The following AJAP1 variants were observed in gnomAD, a reference collection of about 807,000 sequenced individuals.
The protein encoded by AJAP1 is adherens junctions associated protein 1.
AJAP1 carries 5 observed loss-of-function variants against 35.0 expected under a neutral mutation model. That is an observed-to-expected ratio of 0.14 (90% CI 0.07 to 0.30). AJAP1 has a LOEUF of 0.30. AJAP1 is among the 10% of genes least tolerant of loss of function. The probability of loss-of-function intolerance (pLI) is 1.00; values close to 1 mark genes in which losing one functional copy is unlikely to be tolerated. For synonymous variants in AJAP1, 284 were observed against 249.3 expected (o/e 1.14, Z -1.31); for missense variants, 586 against 571.0 (o/e 1.03, Z -0.27).
intron 5 of AJAP1, among the ~76,000 whole-genome samples, chr1:4,778,003 G>A (rs1325997609): frequency 7.2e-5 from 11 of 152,232 alleles, no homozygotes; most frequent in East Asian, 1.9e-4. Flanking sequence ...GACACCTGGC[G>A]GTAGCCTGTT....
intron 2 of AJAP1, among the ~76,000 whole-genome samples, chr1:4,730,309 T>C (rs989174283): frequency 1.3e-5 from 2 of 152,174 alleles, no homozygotes; most frequent in African/African-American, 4.8e-5. Flanking sequence ...CTTTGGCTCC[T>C]GGGGAAACAA....
Position 4,697,192 on chromosome 1 carries a change from G to C in AJAP1, c.30-14708G>C, listed in dbSNP as rs532267572. On this transcript the variant is annotated intron_variant, in intron 1 of 5. Coordinates refer to ENST00000378191, the MANE Select transcript of AJAP1 (RefSeq NM_018836.4). Reference sequence around the variant, plus strand: ...TATTAGTTTGTATGTGGCTGTATGTGTGCACCTGTGTTCTGTGCATGCCTG... The same window carrying C: ...TATTAGTTTGTATGTGGCTGTATGTCTGCACCTGTGTTCTGTGCATGCCTG... 2.6e-5 allele frequency among the ~76,000 whole-genome samples: 4 copies of C among 152,308 alleles called. No individual in the cohort carries two copies. The South Asian group carries it at 8.3e-4, about 32-fold the overall frequency.
At chr1:4,767,232 A>G (rs1557646150) in intron 2 of AJAP1, among the ~76,000 whole-genome samples, 1 of 152,184 alleles carries the variant, frequency 6.6e-6, no homozygotes, top group Admixed American at 6.5e-5. Context: ...CACCTTCACC[A>G]TCATCACCAT....
At chr1:4,699,327 T>C (rs889397819) in intron 1 of AJAP1, among the ~76,000 whole-genome samples, 1 of 152,214 alleles carries the variant, frequency 6.6e-6, no homozygotes, top group African/African-American at 2.4e-5. Flanking sequence ...CGTACTTGTT[T>C]CCAGAGGCAG....
At chr1:4,742,757 T>C (rs1641098936) in intron 2 of AJAP1, among the ~76,000 whole-genome samples, 1 of 152,192 alleles carries the variant, frequency 6.6e-6, no homozygotes. Flanking sequence ...AACACAACCG[T>C]TCCCCCACCC....
chr1:4,688,904 C>T (rs1046678221), intron 1 of AJAP1, among the ~76,000 whole-genome samples: 13 of 152,190 alleles, frequency 8.5e-5, no homozygotes, highest in South Asian at 4.2e-4. Context: ...TATCTCCCTT[C>T]TACAGGTGGA....
chr1:4,712,393 A>G lies in AJAP1; in HGVS notation c.523A>G (p.Thr175Ala), dbSNP rs1640277114. The G allele has an allele frequency of 6.4e-7, 1 of 1,571,554 alleles. No individual in the cohort carries two copies. Among genetic ancestry groups the G allele is most frequent in the Non-Finnish European group, 8.6e-7 (1 of 1,157,508 alleles). Residue 175 changes from threonine (T) to alanine (A), a missense_variant, in exon 2 of 6, where the codon ACC becomes GCC. Coordinates refer to ENST00000378191, the MANE Select transcript of AJAP1 (RefSeq NM_018836.4). ...CTTCGACTCCAGAGGCAGCCGGCCC[A>G]CCACAGAGACTGAGTTCATCGCCTG... Reference protein sequence around the residue: ...SSFDSRGSRPTTETEFIAWGP... With the variant: ...SSFDSRGSRPATETEFIAWGP...
At chr1:4,762,631 C>T (rs976418735) in intron 2 of AJAP1, among the ~76,000 whole-genome samples, 21 of 152,206 alleles carry the variant, frequency 1.4e-4, no homozygotes, top group Admixed American at 1.1e-3. Flanking sequence ...CTGTCCCATG[C>T]CTGTCTTCCT....
chr1:4,774,017 T>G (rs1641893797), intron 4 of AJAP1, among the ~76,000 whole-genome samples: 1 of 152,218 alleles, frequency 6.6e-6, no homozygotes, highest in Non-Finnish European at 1.5e-5. Flanking sequence ...TGACAAAATA[T>G]GGGCGAGACA....
At chr1:4,657,650 T>C (rs927077303) in intron 1 of AJAP1, among the ~76,000 whole-genome samples, 4 of 122,472 alleles carry the variant, frequency 3.3e-5, no homozygotes, top group Admixed American at 1.1e-4. Flanking sequence ...AGCCTCCAGC[T>C]GGGGTGGCAG....
intron 1 of AJAP1, among the ~76,000 whole-genome samples, chr1:4,698,350 T>C (rs1263728416): frequency 6.6e-6 from 1 of 152,184 alleles, no homozygotes; most frequent in African/African-American, 2.4e-5. Context: ...TGAGTCTTCA[T>C]CTCACAGACC....
chr1:4,742,166 G>A (rs1036579004), intron 2 of AJAP1, among the ~76,000 whole-genome samples: 25 of 152,206 alleles, frequency 1.6e-4, no homozygotes, highest in African/African-American at 5.8e-4. Flanking sequence ...TGCTGGCCAC[G>A]CAAAGCCAGG....
At chr1:4,728,529 C>T (rs545322674) in intron 2 of AJAP1, among the ~76,000 whole-genome samples, 2 of 152,256 alleles carry the variant, frequency 1.3e-5, no homozygotes, top group South Asian at 2.1e-4. Flanking sequence ...GGGGTGTGAG[C>T]GGCCATCACA....
intron 2 of AJAP1, among the ~76,000 whole-genome samples, chr1:4,761,364 T>C (rs1352197685): frequency 6.6e-6 from 1 of 152,226 alleles, no homozygotes; most frequent in East Asian, 1.9e-4. Context: ...TGTAACACTC[T>C]GTGTTCTCTA....
intron 5 of AJAP1, among the ~76,000 whole-genome samples, chr1:4,777,142 C>T (rs1462171904): frequency 1.3e-5 from 2 of 152,186 alleles, no homozygotes. Context: ...ACATGAGCGT[C>T]GGGTGCAGAA....
intron 2 of AJAP1, among the ~76,000 whole-genome samples, chr1:4,718,263 C>T (rs931931714): frequency 2.0e-5 from 3 of 152,062 alleles, no homozygotes; most frequent in Non-Finnish European, 2.9e-5. Flanking sequence ...TAAGTGTGCT[C>T]CAACTCATGA....
chr1:4,721,189 C>G (rs1269105808), intron 2 of AJAP1, among the ~76,000 whole-genome samples: 1 of 152,200 alleles, frequency 6.6e-6, no homozygotes, highest in African/African-American at 2.4e-5. Context: ...CTGGGAGAAG[C>G]CCAGGCATTT....
intron 2 of AJAP1, among the ~76,000 whole-genome samples, chr1:4,762,084 A>G (rs1641578591): frequency 6.6e-6 from 1 of 152,244 alleles, no homozygotes; most frequent in African/African-American, 2.4e-5. Context: ...TAATCTTCAG[A>G]TAAAGACAAT....
At chr1:4,736,802 G>A (rs543173937) in intron 2 of AJAP1, among the ~76,000 whole-genome samples, 2 of 152,310 alleles carry the variant, frequency 1.3e-5, no homozygotes, top group East Asian at 1.9e-4. Context: ...GAGAACGTGC[G>A]GGGGCCGCTG....
Sources: gnomAD v4.1 joint callset for allele counts (sites outside exome capture counted in the v4.1 genomes callset) on GRCh38, gnomAD v4.1.1 for gene constraint, MANE v1.5 for transcripts, NCBI Gene and HGNC (gene_info 2026-07-23, HGNC 2026-07-21) for gene names.